Variants in SLC12A6 observed in about 807,000 individuals in gnomAD.
SLC12A6 encodes solute carrier family 12 member 6, also known as K-Cl cotransporter 3.
In SLC12A6, 66 loss-of-function variants were observed where a neutral mutation model predicts 135.3. The observed-to-expected ratio is 0.49, with a 90% confidence interval of 0.40 to 0.60. The LOEUF is 0.60. Among genes scored for constraint, SLC12A6 ranks in the 20% least tolerant of loss-of-function variants. The pLI is 0.00. For synonymous variants in SLC12A6, 513 were observed against 508.8 expected, an observed-to-expected ratio of 1.01 and a Z score of -0.11; for missense variants, 1,058 against 1,452.3, an observed-to-expected ratio of 0.73 and a Z score of 4.41.
At chr15:34,318,901 G>A (rs546311858) in intron 2 of SLC12A6, 3 of 1,114,956 alleles carry the variant, frequency 2.7e-6, no homozygotes, top group South Asian at 1.6e-5. Context: ...CACTTAAAAG[G>A]ATTAAGCACT....
chr15:34,331,965 T>A (rs181954729), intron 2 of SLC12A6, among the ~76,000 whole-genome samples: 87 of 152,252 alleles, frequency 5.7e-4, no homozygotes, highest in African/African-American at 2.0e-3. Context: ...TAGATCACAT[T>A]ACATGAGAAA....
chr15:34,230,979 AAAT>A lies in SLC12A6; in HGVS notation c.*2899_*2901del, dbSNP rs1268815929. ...ATAATTTGTTCTACATGGAAAAAAA[AAAT>A]ATTACTTTGGCCAGGGGTGTGTGTA... On this transcript the variant is annotated 3_prime_UTR_variant, in exon 26 of 26. Coordinates refer to ENST00000354181, the MANE Select transcript of SLC12A6 (RefSeq NM_001365088.1). 6.6e-6 allele frequency: 1 copy of A among 152,204 alleles called. No homozygotes were observed. The highest frequency in any genetic ancestry group is 2.1e-4 in the South Asian group (1 of 4,836). The allele number at this position is 152,204 out of a possible 1,614,324, so 9.4% of individuals were successfully genotyped here.
rs949111769 is a variant in SLC12A6, at chr15:34,237,569, C to T, written c.2803-19G>A. On this transcript the variant is annotated intron_variant, in intron 21 of 25. Coordinates refer to ENST00000354181, the MANE Select transcript of SLC12A6 (RefSeq NM_001365088.1). ...GCCACACCTGAGAGAGTGACATACA[C>T]ATGTGAAAAATTAGAGCAAGGAGGC... The T allele has an allele frequency of 1.2e-5, 19 of 1,608,104 alleles. No homozygotes were observed. Among genetic ancestry groups the T allele is most frequent in the Non-Finnish European group, 1.6e-5 (19 of 1,175,706 alleles).
rs1283412879 is a variant in SLC12A6 at position 34,231,473 on chromosome 15, T to C, written c.*2408A>G. On this transcript the variant is annotated 3_prime_UTR_variant, in exon 26 of 26. Coordinates refer to ENST00000354181, the MANE Select transcript of SLC12A6 (RefSeq NM_001365088.1). ...AGTTGTAAATAATGCTTCTACCATCTGTAGGAAGTAACAGAAAAAAAGACT... is the reference window on the plus strand; with the variant it reads ...AGTTGTAAATAATGCTTCTACCATCCGTAGGAAGTAACAGAAAAAAAGACT... 6.6e-6 allele frequency: 1 copy of C among 152,128 alleles called. No homozygotes were observed. The highest frequency in any genetic ancestry group is 1.9e-4 in the East Asian group (1 of 5,200). The allele number at this position is 152,128 out of a possible 1,614,324, so 9.4% of individuals were successfully genotyped here.
intron 2 of SLC12A6, among the ~76,000 whole-genome samples, chr15:34,282,814 A>G (rs1010199347): frequency 1.3e-5 from 2 of 152,160 alleles, no homozygotes; most frequent in Non-Finnish European, 1.5e-5. Context: ...TTAAACTACA[A>G]ATTTCTGGGT....
rs775224482 is a variant in SLC12A6, at chr15:34,252,372, C to T, written c.1131G>A (p.Leu377=). 5.0e-6 allele frequency: 8 copies of T among 1,604,410 alleles called. No homozygotes were observed. The highest frequency in any genetic ancestry group is 6.8e-6 in the Non-Finnish European group (8 of 1,171,734). The change falls in exon 10 of 26, where the codon CTG becomes CTA. Residue 377 remains leucine, a synonymous_variant. Coordinates refer to ENST00000354181, the MANE Select transcript of SLC12A6 (RefSeq NM_001365088.1). The part of the protein sequence containing the change: ...FAPPHFPVCM[L]GNRTLSSRHI... The stretch of plus-strand genomic sequence containing the variant: ...GTCTTGATGAAAGGGTGCGGTTACC[C>T]AGCATGCAGACCCTAAGTGAAAAGA...
intron 2 of SLC12A6, among the ~76,000 whole-genome samples, chr15:34,302,153 T>C (rs1252131864): frequency 1.3e-5 from 2 of 152,194 alleles, no homozygotes; most frequent in Non-Finnish European, 2.9e-5. Flanking sequence ...AATTTTCTTC[T>C]CAGCCTATAA....
intron 2 of SLC12A6, among the ~76,000 whole-genome samples, chr15:34,286,571 G>T (rs1895095021): frequency 6.6e-6 from 1 of 151,706 alleles, no homozygotes; most frequent in Non-Finnish European, 1.5e-5. Context: ...GAGGTGGGTG[G>T]ATCACTTGAG....
At chr15:34,267,170 T>C (rs1893581801) in intron 3 of SLC12A6, among the ~76,000 whole-genome samples, 1 of 152,076 alleles carries the variant, frequency 6.6e-6, no homozygotes, top group South Asian at 2.1e-4. Context: ...TTTCTAATAC[T>C]TCAATTCCAA....
intron 2 of SLC12A6, among the ~76,000 whole-genome samples, chr15:34,280,530 C>G (rs2140911965): frequency 6.6e-6 from 1 of 152,242 alleles, no homozygotes; most frequent in Non-Finnish European, 1.5e-5. Flanking sequence ...ACGATTCCAA[C>G]TCAGAATTAA....
At chr15:34,295,391 T>C (rs2644247) in intron 2 of SLC12A6, among the ~76,000 whole-genome samples, 52,668 of 152,072 alleles carry the variant, frequency 0.35, 11,198 homozygotes, top group African/African-American at 0.61. Flanking sequence ...ATCTATGCAA[T>C]AGGAATAATA....
At position 34,238,406 on chromosome 15, in the gene SLC12A6, G is replaced by A; in HGVS notation, c.2633-5C>T. On this transcript the variant is annotated splice_region_variant and splice_polypyrimidine_tract_variant and intron_variant, in intron 20 of 25. Transcript: ENST00000354181. ...CAGTTGTCACTCGAACTGTGCCTAGGGAGAAAAAAGAATAAGCAGAGAAGA... is the reference window on the plus strand; with the variant it reads ...CAGTTGTCACTCGAACTGTGCCTAGAGAGAAAAAAGAATAAGCAGAGAAGA... The A allele has an allele frequency of 6.2e-7, 1 of 1,610,984 alleles. No homozygotes were observed. Among genetic ancestry groups the A allele is most frequent in the South Asian group, 1.1e-5 (1 of 91,016 alleles).
intron 3 of SLC12A6, among the ~76,000 whole-genome samples, chr15:34,274,889 C>T (rs1337248622): frequency 6.6e-6 from 1 of 151,996 alleles, no homozygotes; most frequent in East Asian, 1.9e-4. Flanking sequence ...AAATTCATTT[C>T]CATAATTTGT....
At chr15:34,266,946 TTTTA>T (rs1457600936) in intron 3 of SLC12A6, among the ~76,000 whole-genome samples, 2 of 152,210 alleles carry the variant, frequency 1.3e-5, no homozygotes, top group East Asian at 1.9e-4. Context: ...TCTAACATCT[TTTTA>T]TTTGTTTTTT....
At position 34,236,110 on chromosome 15, in the gene SLC12A6, C is replaced by A. The variant is rs1566798839; in HGVS notation, c.3132G>T (p.Lys1044Asn). The A allele has an allele frequency of 6.2e-7, 1 of 1,613,690 alleles. No individual in the cohort carries two copies. ...EDEETETYQE[K>N]VHMTWTKDKY... is the part of the protein sequence containing the mutation. ...TGTCTTTTGTCCAAGTCATGTGCAC[C>A]TTCTCCTGATAGGTTTCTGTCTCTT... is the stretch of plus-strand genomic sequence containing the variant. The change falls in exon 24 of 26, where the codon AAG becomes AAT. Residue 1044 changes from lysine to asparagine, a missense_variant. Physicochemically the swap from Lys to Asn is moderately conservative, Grantham distance 94 (BLOSUM62 0). Coordinates refer to ENST00000354181, the MANE Select transcript of SLC12A6 (RefSeq NM_001365088.1).
chr15:34,304,054 C>T (rs1896435001), intron 2 of SLC12A6, among the ~76,000 whole-genome samples: 1 of 152,300 alleles, frequency 6.6e-6, no homozygotes, highest in South Asian at 2.1e-4. Context: ...TACCCATCAG[C>T]AGGCTAATCC....
At chr15:34,330,119 T>C (rs1369543695) in intron 2 of SLC12A6, among the ~76,000 whole-genome samples, 1 of 152,212 alleles carries the variant, frequency 6.6e-6, no homozygotes, top group Non-Finnish European at 1.5e-5. Context: ...GTATCTTTTT[T>C]CAATTGTTTT....
intron 2 of SLC12A6, among the ~76,000 whole-genome samples, chr15:34,329,450 T>C (rs1309441390): frequency 2.0e-5 from 3 of 152,190 alleles, no homozygotes; most frequent in Non-Finnish European, 4.4e-5. Context: ...TTCATAAGGT[T>C]CCCAGGTTTG....
Position 34,330,205 on chromosome 15 carries a change from C to G in SLC12A6, c.271+6205G>C, listed in dbSNP as rs529669131. ...GCTCTTTTTATCTGTAACAGCTTTC[C>G]CTCTCTTCCCATCACTCCTCCTCCA... On this transcript the variant is annotated intron_variant, in intron 2 of 25. Coordinates refer to ENST00000354181, the MANE Select transcript of SLC12A6 (RefSeq NM_001365088.1). Among the ~76,000 whole-genome samples the G allele has an allele frequency of 8.5e-5, 13 of 152,192 alleles. No individual in the cohort carries two copies. In the South Asian group the frequency reaches 2.7e-3, roughly 32 times the overall value.
Sources: allele counts gnomAD v4.1 joint callset (sites outside exome capture counted in the v4.1 genomes callset), GRCh38; gene constraint gnomAD v4.1.1; transcripts MANE v1.5; gene names NCBI Gene and HGNC (gene_info 2026-07-23, HGNC 2026-07-21).